SLC1A7: variants seen among roughly 807,000 people sequenced by gnomAD.
SLC1A7 encodes the protein solute carrier family 1 member 7, also known as excitatory amino acid transporter 5.
SLC1A7 carries 40 observed loss-of-function variants against 47.7 expected under a neutral mutation model. That is an observed-to-expected ratio of 0.84 (90% CI 0.65 to 1.09). The LOEUF is 1.09. SLC1A7 is among the 50% of genes least tolerant of loss of function. The probability of loss-of-function intolerance (pLI) is 0.00; values close to 1 mark genes in which losing one functional copy is unlikely to be tolerated. For missense variants in SLC1A7, 746 were observed against 769.5 expected (o/e 0.97, Z 0.36); for synonymous variants, 323 against 325.6 (o/e 0.99, Z 0.09).
rs74740697 is a variant in SLC1A7 at position 53,108,515 on chromosome 1, A to G, written c.432-2741T>C. The G allele has an allele frequency of 7.2e-3, 5,144 of 713,588 alleles. 187 individuals are homozygous for G. In the African/African-American group the frequency reaches 0.08, roughly 11 times the overall value. The allele number at this position is 713,588 out of a possible 1,614,324, so 44.2% of individuals were successfully genotyped here. On this transcript the variant is annotated intron_variant, in intron 3 of 10. Coordinates refer to ENST00000371494, the MANE Select transcript of SLC1A7 (RefSeq NM_006671.6). ...CCATCAAGCTCTGATTCTCTTGCTA[A>G]TGGGGTGGCCATCGAGAGGTGAGTG... is the stretch of plus-strand genomic sequence containing the variant.
chr1:53,136,456 G>C (rs1644995002), intron 1 of SLC1A7, among the ~76,000 whole-genome samples: 1 of 147,608 alleles, frequency 6.8e-6, no homozygotes, highest in African/African-American at 2.5e-5. Context: ...GCCTCCCAAA[G>C]TGCTTGGATT....
rs1336983852 is a variant in SLC1A7 at position 53,088,891 on chromosome 1, C to T, written c.1450G>A (p.Asp484Asn). 7 of 1,613,800 alleles carry T rather than the reference C, an allele frequency of 4.3e-6. No individual in the cohort carries two copies. In the African/African-American group the frequency reaches 9.3e-5, roughly 22 times the overall value. ...ACTGCTCTCACCTCGGTGCCTGTGT[C>T]CCGGGCAAAATCCTTCCGACATATA... The part of the protein sequence containing the change: ...AHICRKDFAR[D>N]TGTEKLLPCE... Residue 484 changes from aspartate to asparagine, a missense_variant, in exon 10 of 11, where the codon GAC (aspartate) becomes AAC (asparagine). Physicochemically the swap from Asp to Asn is conservative, Grantham distance 23 (BLOSUM62 1). Transcript: ENST00000371494.
chr1:53,113,722 T>G (rs573054337), intron 3 of SLC1A7, among the ~76,000 whole-genome samples: 37 of 152,166 alleles, frequency 2.4e-4, no homozygotes, highest in Non-Finnish European at 5.0e-4. Context: ...AAAACTCATT[T>G]TCTGTGGCCT....
intron 2 of SLC1A7, chr1:53,115,286 C>T (rs564199496): frequency 3.3e-5 from 14 of 420,270 alleles, no homozygotes; most frequent in Admixed American, 7.4e-5. Flanking sequence ...TAAGGAAATG[C>T]GTGTGCTTTA....
intron 5 of SLC1A7, among the ~76,000 whole-genome samples, chr1:53,094,756 C>T (rs1295456): frequency 0.77 from 117,013 of 152,192 alleles, 45,332 homozygotes; most frequent in Admixed American, 0.85. Context: ...ACCACCACCA[C>T]GCACGGGCTT....
intron 6 of SLC1A7, among the ~76,000 whole-genome samples, 164 bp from the exon 7 acceptor site, chr1:53,092,951 T>C (rs1644442255): frequency 6.6e-6 from 1 of 152,034 alleles, no homozygotes; most frequent in African/African-American, 2.4e-5. Flanking sequence ...ATGGCGTCCT[T>C]CATACCGTTA....
intron 2 of SLC1A7, among the ~76,000 whole-genome samples, chr1:53,118,060 G>A (rs560137364): frequency 1.1e-4 from 17 of 152,386 alleles, no homozygotes; most frequent in African/African-American, 4.1e-4. Context: ...GCAGGTGAGG[G>A]CGGAGGCCAA....
intron 7 of SLC1A7, 110 bp from the exon 8 acceptor site, chr1:53,090,916 G>A: frequency 6.5e-7 from 1 of 1,545,870 alleles, no homozygotes; most frequent in Middle Eastern, 1.7e-4. Flanking sequence ...GAGTGTTTGT[G>A]CCTCTGCAGC....
At chr1:53,140,948 C>CA (rs1033234659) in intron 1 of SLC1A7, among the ~76,000 whole-genome samples, 1 of 152,172 alleles carries the variant, frequency 6.6e-6, no homozygotes, top group African/African-American at 2.4e-5. Flanking sequence ...TAATGGAAGA[C>CA]AAAGTCTAAT....
intron 9 of SLC1A7, 32 bp downstream of exon 9, chr1:53,089,768 G>C (rs1413656868): frequency 5.6e-6 from 9 of 1,611,344 alleles, no homozygotes; most frequent in Non-Finnish European, 5.9e-6. Context: ...GCCCCTCCCA[G>C]AGGGCTAGAG....
intron 1 of SLC1A7, among the ~76,000 whole-genome samples, chr1:53,140,743 C>T (rs1394092998): frequency 2.6e-5 from 4 of 152,118 alleles, no homozygotes; most frequent in South Asian, 4.1e-4. Flanking sequence ...CATATACTGC[C>T]CCACATCCCA....
At chr1:53,135,166 G>A (rs1644978985) in intron 1 of SLC1A7, among the ~76,000 whole-genome samples, 2 of 152,120 alleles carry the variant, frequency 1.3e-5, no homozygotes. Context: ...GCCTAGCCAT[G>A]GAATAAAATC....
At chr1:53,100,206 AC>A (rs1644556378) in intron 5 of SLC1A7, among the ~76,000 whole-genome samples, 1 of 94,874 alleles carries the variant, frequency 1.1e-5, no homozygotes, top group Non-Finnish European at 2.4e-5. Flanking sequence ...TGGTATACTC[AC>A]ACACCCCACC....
rs1644738788 is a variant in SLC1A7 at position 53,114,808 on chromosome 1, CT to C, written c.380del (p.Gln127ArgfsTer7). ...CTGAGCTCATGATGGGCTTCCCACT[CT>C]GCTCCGTGGTCTCCTTCTGGGCCGC... ...GSAAQKETTE[Q>X]SGKPIMSSAD... On this transcript the variant is annotated frameshift_variant, in exon 3 of 11. Transcript: ENST00000371494. LOFTEE classifies it high-confidence loss of function. 6.2e-7 allele frequency: 1 copy of C among 1,614,206 alleles called. No homozygotes were observed. The highest frequency in any genetic ancestry group is 8.5e-7 in the Non-Finnish European group (1 of 1,180,030).
chr1:53,119,206 T>G (rs556728035), intron 2 of SLC1A7, among the ~76,000 whole-genome samples: 1 of 152,272 alleles, frequency 6.6e-6, no homozygotes, highest in South Asian at 2.1e-4. Context: ...GCCCTCCAGT[T>G]GGTGAACCAT....
Position 53,092,625 on chromosome 1 carries a change from G to T in SLC1A7, c.960C>A (p.Thr320=). 2 of 1,614,134 alleles carry T rather than the reference G, an allele frequency of 1.2e-6. No individual in the cohort carries two copies. Among genetic ancestry groups the T allele is most frequent in the Non-Finnish European group, 1.7e-6 (2 of 1,179,980 alleles). The part of the protein sequence containing the change: ...FILPLLYFFI[T]KKNPIVFIRG... ...GGATGAAGACGATGGGATTCTTCTT[G>T]GTGATGAAGAAGTAGAGCAGGGGCA... Residue 320 remains threonine, a synonymous_variant, in exon 7 of 11, where the codon ACC becomes ACA. Transcript: ENST00000371494.
intron 2 of SLC1A7, among the ~76,000 whole-genome samples, chr1:53,122,012 A>T (rs979726442): frequency 2.7e-5 from 4 of 148,684 alleles, no homozygotes; most frequent in African/African-American, 1.0e-4. Flanking sequence ...TGCGGGGAGC[A>T]GCTGGGGGGC....
intron 5 of SLC1A7, among the ~76,000 whole-genome samples, chr1:53,096,832 GAACA>G: frequency 6.9e-6 from 1 of 145,334 alleles, no homozygotes; most frequent in African/African-American, 2.6e-5. Context: ...TACCACCTCA[GAACA>G]CTCACACACC....
intron 5 of SLC1A7, among the ~76,000 whole-genome samples, chr1:53,098,291 C>T (rs1644524345): frequency 6.6e-6 from 1 of 150,446 alleles, no homozygotes; most frequent in African/African-American, 2.5e-5. Context: ...GGCTCACACA[C>T]CCTGTCTCGG....
Sources: allele counts gnomAD v4.1 joint callset (sites outside exome capture counted in the v4.1 genomes callset), GRCh38; gene constraint gnomAD v4.1.1; transcripts MANE v1.5; gene names NCBI Gene and HGNC (gene_info 2026-07-23, HGNC 2026-07-21).